CHMP3: variants seen among roughly 807,000 people sequenced by gnomAD.
CHMP3 encodes the protein charged multivesicular body protein 3.
Under a neutral mutation model 27.4 loss-of-function variants are expected in CHMP3, and 8 were observed. That is an observed-to-expected ratio of 0.29 (90% CI 0.17 to 0.53). CHMP3 has a LOEUF of 0.53. CHMP3 is among the 20% of genes least tolerant of loss of function. The probability of loss-of-function intolerance (pLI) is 0.96; values close to 1 mark genes in which losing one functional copy is unlikely to be tolerated. For synonymous variants in CHMP3, 86 were observed against 85.5 expected, an observed-to-expected ratio of 1.01 and a Z score of -0.03; for missense variants, 208 against 271.5, an observed-to-expected ratio of 0.77 and a Z score of 1.64.
rs566155444 is a variant in CHMP3, at chr2:86,544,929, G to A, written c.46-2617C>T. ...TCCTCACTTCCCAGACGGGGCAGCC[G>A]GGCAGAGACGCTCACTTCCTAGACG... On this transcript the variant is annotated intron_variant, in intron 1 of 5. Coordinates refer to ENST00000263856, the MANE Select transcript of CHMP3 (RefSeq NM_016079.4). Among the ~76,000 whole-genome samples, 227 of 149,106 alleles carry A rather than the reference G, an allele frequency of 1.5e-3. 1 individual carries two copies. The highest frequency in any genetic ancestry group is 0.014 in the Middle Eastern group (4 of 286).
At chr2:86,534,538 A>G (rs1423089877) in intron 2 of CHMP3, among the ~76,000 whole-genome samples, 3 of 152,016 alleles carry the variant, frequency 2.0e-5, no homozygotes, top group African/African-American at 7.2e-5. Flanking sequence ...ATTCCTATCT[A>G]GTTGATATAC....
rs1293875932 is a variant in CHMP3, at chr2:86,504,475, A to AG, written c.*1328dup. ...TGAAGATGAAATCAAGAGTAATAGGAGGGTCCTCTGGACTCAAAAATGAAA... is the reference window on the plus strand; with the variant it reads ...TGAAGATGAAATCAAGAGTAATAGGAGGGGTCCTCTGGACTCAAAAATGAAA... On this transcript the variant is annotated 3_prime_UTR_variant, in exon 6 of 6. Coordinates refer to ENST00000263856, the MANE Select transcript of CHMP3 (RefSeq NM_016079.4). The AG allele has an allele frequency of 6.7e-6, 1 of 149,672 alleles. No homozygotes were observed. Among genetic ancestry groups the AG allele is most frequent in the Non-Finnish European group, 1.5e-5 (1 of 67,598 alleles). 9.3% of individuals were successfully genotyped at this position (149,672 alleles called of 1,614,324 possible).
intron 3 of CHMP3, among the ~76,000 whole-genome samples, chr2:86,519,600 T>C (rs1675448920): frequency 6.6e-6 from 1 of 152,210 alleles, no homozygotes; most frequent in Admixed American, 6.5e-5. Context: ...TATATGAGTA[T>C]AATGAAAATA....
intron 1 of CHMP3, among the ~76,000 whole-genome samples, chr2:86,548,986 GC>G: frequency 7.5e-6 from 1 of 132,742 alleles, no homozygotes; most frequent in Middle Eastern, 6.5e-3. Flanking sequence ...GGCGCTCCTA[GC>G]CTCCCAGATG....
intron 5 of CHMP3, 37 bp from the exon 6 acceptor site, chr2:86,505,986 T>C: frequency 6.7e-7 from 1 of 1,489,844 alleles, no homozygotes; most frequent in Non-Finnish European, 9.0e-7. Context: ...CCACATTGGC[T>C]TAAGGAAGCA....
At chr2:86,532,760 C>A (rs1466238219) in intron 2 of CHMP3, among the ~76,000 whole-genome samples, 1 of 152,190 alleles carries the variant, frequency 6.6e-6, no homozygotes, top group African/African-American at 2.4e-5. Flanking sequence ...CATGTTGAAT[C>A]ATTCTTGCAT....
At chr2:86,534,234 T>C (rs1362826447) in intron 2 of CHMP3, among the ~76,000 whole-genome samples, 1 of 143,556 alleles carries the variant, frequency 7.0e-6, no homozygotes, top group Non-Finnish European at 1.5e-5. Context: ...AGATGGAGCC[T>C]GTCTCCCAGG....
chr2:86,527,960 CA>C (rs1189018675), intron 3 of CHMP3, among the ~76,000 whole-genome samples: 1 of 151,400 alleles, frequency 6.6e-6, no homozygotes, highest in African/African-American at 2.4e-5. Context: ...GACTCTATCT[CA>C]AAAAAACAAA....
chr2:86,525,547 A>C (rs917840054), intron 3 of CHMP3, among the ~76,000 whole-genome samples: 3 of 151,984 alleles, frequency 2.0e-5, no homozygotes, highest in Admixed American at 6.6e-5. Flanking sequence ...AAAAAAAAAA[A>C]AACTACTTAA....
At chr2:86,543,906 A>G (rs1378432668) in intron 1 of CHMP3, among the ~76,000 whole-genome samples, 2 of 152,254 alleles carry the variant, frequency 1.3e-5, no homozygotes, top group East Asian at 1.9e-4. Context: ...ACTGGCATTT[A>G]GTGCATTTAC....
intron 3 of CHMP3, among the ~76,000 whole-genome samples, chr2:86,515,870 A>G (rs906565843): frequency 6.6e-6 from 1 of 152,006 alleles, no homozygotes; most frequent in African/African-American, 2.4e-5. Context: ...TTTAAAAAAA[A>G]TTTTTGGCTG....
intron 2 of CHMP3, among the ~76,000 whole-genome samples, chr2:86,533,914 G>C (rs966520698): frequency 2.0e-5 from 3 of 152,118 alleles, no homozygotes; most frequent in African/African-American, 7.2e-5. Flanking sequence ...AGTATTTTCT[G>C]ATTTGCTTTG....
intron 1 of CHMP3, among the ~76,000 whole-genome samples, chr2:86,551,639 G>C (rs1041082009): frequency 6.6e-6 from 1 of 152,204 alleles, no homozygotes; most frequent in African/African-American, 2.4e-5. Flanking sequence ...ACTGCATTAG[G>C]AATTAGAGGA....
intron 3 of CHMP3, chr2:86,511,778 G>C (rs972263645): frequency 6.6e-6 from 1 of 152,092 alleles, no homozygotes; most frequent in Non-Finnish European, 1.5e-5. Context: ...CTGTAACCCA[G>C]AGAGAGTACC....
At chr2:86,510,250 A>T in intron 4 of CHMP3, 108 bp downstream of exon 4, 1 of 1,486,338 alleles carries the variant, frequency 6.7e-7, no homozygotes, top group Non-Finnish European at 9.0e-7. Flanking sequence ...AATTCTGTCT[A>T]GCAGGTGTAG....
chr2:86,511,112 C>CA (rs1675090470), intron 3 of CHMP3: 1 of 152,190 alleles, frequency 6.6e-6, no homozygotes, highest in Non-Finnish European at 1.5e-5. Flanking sequence ...TTTAACATGT[C>CA]AAAGAGTTGG....
chr2:86,531,623 ATTTGGGGTT>A (rs1177194208), intron 2 of CHMP3, among the ~76,000 whole-genome samples: 6 of 152,130 alleles, frequency 3.9e-5, no homozygotes, highest in African/African-American at 1.4e-4. Flanking sequence ...TCTTTGATCC[ATTTGGGGTT>A]AGTTTCTGTA....
intron 3 of CHMP3, among the ~76,000 whole-genome samples, chr2:86,526,728 G>GTTGTT (rs1218831379): frequency 6.6e-6 from 1 of 151,630 alleles, no homozygotes; most frequent in South Asian, 2.1e-4. Flanking sequence ...TGTGGTTGCT[G>GTTGTT]TTGTTTTGTT....
chr2:86,523,074 G>A (rs1289004646), intron 3 of CHMP3, among the ~76,000 whole-genome samples: 4 of 152,148 alleles, frequency 2.6e-5, no homozygotes, highest in Non-Finnish European at 4.4e-5. Flanking sequence ...TTTTGAACTT[G>A]TCTTGGAGAA....
Sources: allele counts gnomAD v4.1 joint callset (sites outside exome capture counted in the v4.1 genomes callset), GRCh38; gene constraint gnomAD v4.1.1; transcripts MANE v1.5; gene names NCBI Gene and HGNC (gene_info 2026-07-23, HGNC 2026-07-21).